The following VPS50 variants were observed in gnomAD, a reference collection of about 807,000 sequenced individuals.
VPS50 encodes the protein syndetin.
VPS50 carries 70 observed loss-of-function variants against 139.7 expected under a neutral mutation model. The observed-to-expected ratio is 0.50, with a 90% confidence interval of 0.41 to 0.61. The LOEUF is 0.61. Among genes scored for constraint, VPS50 ranks in the 20% least tolerant of loss-of-function variants. The pLI is 0.00. For synonymous variants in VPS50, 365 were observed against 376.7 expected, an observed-to-expected ratio of 0.97 and a Z score of 0.36; for missense variants, 921 against 1,133.7, an observed-to-expected ratio of 0.81 and a Z score of 2.69.
intron 9 of VPS50, among the ~76,000 whole-genome samples, chr7:93,264,771 G>A (rs1418250994): frequency 6.6e-6 from 1 of 152,156 alleles, no homozygotes; most frequent in Non-Finnish European, 1.5e-5. Context: ...AGGTGTGCCT[G>A]CTTTCTTCCT....
At chr7:93,322,620 A>AAAT (rs1797650644) in intron 20 of VPS50, among the ~76,000 whole-genome samples, 1 of 151,740 alleles carries the variant, frequency 6.6e-6, no homozygotes, top group Non-Finnish European at 1.5e-5. Flanking sequence ...AAAAAAAAAA[A>AAAT]AATAGTACCA....
At chr7:93,248,416 T>C (rs1246209695) in intron 2 of VPS50, among the ~76,000 whole-genome samples, 1 of 152,100 alleles carries the variant, frequency 6.6e-6, no homozygotes, top group East Asian at 1.9e-4. Flanking sequence ...TATTAAATTA[T>C]GTAGTAATTG....
intron 22 of VPS50, among the ~76,000 whole-genome samples, chr7:93,339,627 T>C (rs1352090379): frequency 1.3e-5 from 2 of 152,202 alleles, no homozygotes; most frequent in Admixed American, 1.3e-4. Flanking sequence ...TTTTGCTATC[T>C]GCCTACTCAT....
chr7:93,335,912 C>T (rs777666047), intron 22 of VPS50, among the ~76,000 whole-genome samples: 21 of 152,202 alleles, frequency 1.4e-4, no homozygotes, highest in Admixed American at 8.5e-4. Flanking sequence ...GATTTTACCA[C>T]ATAGTGTATA....
rs766170201 is a variant in VPS50, at chr7:93,291,767, T to C, written c.1007T>C (p.Met336Thr). Residue 336 changes from methionine (M) to threonine (T), a missense_variant, in exon 13 of 28, where the codon ATG becomes ACG. Physicochemically the swap from Met to Thr is moderately conservative, Grantham distance 81. Coordinates refer to ENST00000305866, the MANE Select transcript of VPS50 (RefSeq NM_017667.4). ...ADLCKALWEV[M>T]LSYYRTMEWH... ...CTGTGCAAAGCACTATGGGAAGTTA[T>C]GCTCAGCTATTATAGGACTATGGAA... The C allele has an allele frequency of 7.5e-6, 12 of 1,603,016 alleles. No homozygotes were observed. Among genetic ancestry groups the C allele is most frequent in the East Asian group, 2.2e-5 (1 of 44,696 alleles).
chr7:93,261,113 A>G (rs115662472), intron 9 of VPS50, among the ~76,000 whole-genome samples: 1 of 152,144 alleles, frequency 6.6e-6, no homozygotes, highest in Admixed American at 6.5e-5. Flanking sequence ...GTATTTAGAG[A>G]TTTCCAACAA....
chr7:93,287,044 T>G (rs1796510704), intron 12 of VPS50, among the ~76,000 whole-genome samples: 1 of 151,742 alleles, frequency 6.6e-6, no homozygotes. Context: ...CTTTTTTCCT[T>G]AAACTATTTA....
chr7:93,330,726 CCTGGGCAA>C (rs1180855719), intron 21 of VPS50, among the ~76,000 whole-genome samples: 2 of 126,386 alleles, frequency 1.6e-5, no homozygotes, highest in African/African-American at 6.5e-5. Context: ...TGCATTCCAG[CCTGGGCAA>C]CTGGGCAACA....
chr7:93,332,435 G>T (rs1197477891), intron 21 of VPS50, among the ~76,000 whole-genome samples: 2 of 152,232 alleles, frequency 1.3e-5, no homozygotes, highest in South Asian at 2.1e-4. Flanking sequence ...TAAGGGTTAG[G>T]GTGTCAACAT....
chr7:93,297,044 A>G lies in VPS50; in HGVS notation c.1263-101A>G, dbSNP rs572088465. ...TCTTTAGAATTTTTTCACATGTCCA[A>G]ATTTTAGTGATTTTTTTTATCTTTG... On this transcript the variant is annotated intron_variant, in intron 15 of 27. Coordinates refer to ENST00000305866, the MANE Select transcript of VPS50 (RefSeq NM_017667.4). The G allele has an allele frequency of 2.0e-4, 300 of 1,472,112 alleles. 1 individual carries two copies. Among genetic ancestry groups the G allele is most frequent in the Middle Eastern group, 1.4e-3 (7 of 4,930 alleles). The allele number at this position is 1,472,112 out of a possible 1,614,324, so 91.2% of individuals were successfully genotyped here. A position where few individuals can be genotyped will look rare whatever the true frequency, so the allele number is the denominator to read the frequency against.
intron 27 of VPS50, among the ~76,000 whole-genome samples, chr7:93,357,440 G>A (rs1426078177): frequency 2.0e-5 from 3 of 152,110 alleles, no homozygotes; most frequent in Admixed American, 1.3e-4. Flanking sequence ...GATCACTGAC[G>A]ATGGATCCTC....
At chr7:93,288,660 C>T (rs1052314708) in intron 12 of VPS50, among the ~76,000 whole-genome samples, 4 of 152,080 alleles carry the variant, frequency 2.6e-5, no homozygotes, top group Non-Finnish European at 5.9e-5. Context: ...AAGATAAAGC[C>T]AGATACTAAA....
rs576459949 is a variant in VPS50, at chr7:93,331,168, G to C, written c.1978-2949G>C. ...TGCATATATTAGAAAACTCAATATT[G>C]TAAAGGTGGCAGTCTTCCCCAAATC... is the stretch of plus-strand genomic sequence containing the variant. On this transcript the variant is annotated intron_variant, in intron 21 of 27. Transcript: ENST00000305866. 3.3e-5 allele frequency among the ~76,000 whole-genome samples: 5 copies of C among 150,380 alleles called. No individual in the cohort carries two copies. The East Asian group carries it at 9.7e-4, about 29-fold the overall frequency.
At chr7:93,284,197 T>G (rs1796413891) in intron 12 of VPS50, among the ~76,000 whole-genome samples, 1 of 152,132 alleles carries the variant, frequency 6.6e-6, no homozygotes, top group African/African-American at 2.4e-5. Context: ...TGGGAAACCG[T>G]TTTTGGGCCA....
intron 11 of VPS50, among the ~76,000 whole-genome samples, chr7:93,274,632 G>A (rs1019414700): frequency 6.6e-5 from 10 of 152,138 alleles, no homozygotes; most frequent in Admixed American, 3.3e-4. Flanking sequence ...GAAGATGAAT[G>A]TTGTTTTCAT....
At position 93,319,001 on chromosome 7, in the gene VPS50, A is replaced by G. The variant is rs748999542; in HGVS notation, c.1856-4610A>G. Among the ~76,000 whole-genome samples, 5 of 152,332 alleles carry G rather than the reference A, an allele frequency of 3.3e-5. No individual in the cohort carries two copies. In the East Asian group the frequency reaches 5.8e-4, roughly 18 times the overall value. On this transcript the variant is annotated intron_variant, in intron 20 of 27. Coordinates refer to ENST00000305866, the MANE Select transcript of VPS50 (RefSeq NM_017667.4). ...AGCAAGAGGAAAAATGATACACACAAGGTACGGCCCATTCCCCTGAATCCT... is the reference window on the plus strand; with the variant it reads ...AGCAAGAGGAAAAATGATACACACAGGGTACGGCCCATTCCCCTGAATCCT...
At chr7:93,257,804 C>A in intron 6 of VPS50, 1 of 237,894 alleles carries the variant, frequency 4.2e-6, no homozygotes. Context: ...AATTACTAGG[C>A]AAATGAAATA....
chr7:93,318,462 A>G (rs1323955856), intron 20 of VPS50, among the ~76,000 whole-genome samples: 1 of 144,328 alleles, frequency 6.9e-6, no homozygotes, highest in East Asian at 1.9e-4. Context: ...AGTTTGTCTT[A>G]TGTGCTATTA....
chr7:93,280,908 T>TATAC (rs1162601678), intron 12 of VPS50, among the ~76,000 whole-genome samples: 12 of 152,178 alleles, frequency 7.9e-5, no homozygotes, highest in South Asian at 4.1e-4. Context: ...TATATATATA[T>TATAC]ATACATACAT....
Sources: gnomAD v4.1 joint callset for allele counts (sites outside exome capture counted in the v4.1 genomes callset) on GRCh38, gnomAD v4.1.1 for gene constraint, MANE v1.5 for transcripts, NCBI Gene and HGNC (gene_info 2026-07-23, HGNC 2026-07-21) for gene names.